Variants in PSG7 observed in about 807,000 individuals in gnomAD.
PSG7 encodes the protein pregnancy specific beta-1-glycoprotein 7.
Under a neutral mutation model 45.6 loss-of-function variants are expected in PSG7, and 57 were observed. That is an observed-to-expected ratio of 1.25 (90% confidence interval 1.01 to 1.56). The LOEUF (loss-of-function observed/expected upper bound fraction) is 1.56. Among genes scored for constraint, PSG7 ranks in the 40% most tolerant of loss-of-function variants. The pLI, the probability that PSG7 is intolerant of heterozygous loss-of-function variation, is 0.00. For missense variants in PSG7, 796 were observed against 508.4 expected, an observed-to-expected ratio of 1.57 and a Z score of -5.44; for synonymous variants, 298 against 194.4, an observed-to-expected ratio of 1.53 and a Z score of -4.43.
intron 1 of PSG7, 106 bp from the exon 2 acceptor site, chr19:42,935,875 C>T (rs1385266238): frequency 4.1e-6 from 1 of 241,088 alleles, no homozygotes; most frequent in African/African-American, 8.3e-5. Context: ...GCCTTGAAGA[C>T]ACACACACAC....
At chr19:42,931,356 C>A (rs535392291) in intron 2 of PSG7, among the ~76,000 whole-genome samples, 1 of 151,428 alleles carries the variant, frequency 6.6e-6, no homozygotes, top group Admixed American at 6.6e-5. Flanking sequence ...TTTGAATTAG[C>A]AGCTCCTTAA....
chr19:42,925,812 C>T lies in PSG7; in HGVS notation c.1204G>A (p.Gly402Ser). The T allele has an allele frequency of 1.2e-6, 2 of 1,612,052 alleles. No individual in the cohort carries two copies. Among genetic ancestry groups the T allele is most frequent in the South Asian group, 2.2e-5 (2 of 90,620 alleles). ...YACSVRNSAT[G>S]KESSKSVTVR... ...GTCACGGATTTGGAGCTTTCCTTGCCAGTGGCTGAGTTACGAACAGAGCAA... is the reference window on the plus strand; with the variant it reads ...GTCACGGATTTGGAGCTTTCCTTGCTAGTGGCTGAGTTACGAACAGAGCAA... The change falls in exon 5 of 6, where the codon GGC (glycine) becomes AGC (serine). Residue 402 changes from glycine (G) to serine (S), a missense_variant. Gly to Ser is a moderately conservative substitution (Grantham distance 56, BLOSUM62 0). Coordinates refer to ENST00000406070, the MANE Select transcript of PSG7 (RefSeq NM_002783.3).
chr19:42,931,611 G>A (rs919487856), intron 2 of PSG7, among the ~76,000 whole-genome samples: 5 of 151,482 alleles, frequency 3.3e-5, no homozygotes, highest in Non-Finnish European at 7.4e-5. Context: ...GTGTGAATTA[G>A]TAAGAGGCTA....
intron 3 of PSG7, chr19:42,927,582 T>A (rs1192098656): frequency 6.6e-6 from 1 of 151,670 alleles, no homozygotes; most frequent in Non-Finnish European, 1.5e-5. Context: ...GCTGGAAATC[T>A]GGTCCTCATG....
intron 1 of PSG7, among the ~76,000 whole-genome samples, 190 bp downstream of exon 1, chr19:42,936,823 A>G (rs934269937): frequency 2.0e-5 from 3 of 151,032 alleles, no homozygotes; most frequent in African/African-American, 4.9e-5. Context: ...AATTTTTTGT[A>G]TTTTTAGTAC....
Position 42,925,793 on chromosome 19 carries a change from G to C in PSG7, c.1223C>G (p.Ser408Cys), listed in dbSNP as rs776528210. 6.2e-7 allele frequency: 1 copy of C among 1,612,070 alleles called. No homozygotes were observed. The highest frequency in any genetic ancestry group is 8.5e-7 in the Non-Finnish European group (1 of 1,179,042). Reference sequence around the variant, plus strand: ...CTTACCAGAGACTCTGACTGTCACGGATTTGGAGCTTTCCTTGCCAGTGGC... The same window carrying C: ...CTTACCAGAGACTCTGACTGTCACGCATTTGGAGCTTTCCTTGCCAGTGGC... ...NSATGKESSK[S>C]VTVRVSDWTL... is the part of the protein sequence containing the mutation. The change falls in exon 5 of 6, where the codon TCC (serine) becomes TGC (cysteine). Residue 408 changes from serine to cysteine, a missense_variant. Coordinates refer to ENST00000406070, the MANE Select transcript of PSG7 (RefSeq NM_002783.3).
intron 2 of PSG7, among the ~76,000 whole-genome samples, chr19:42,930,222 G>A (rs1972989872): frequency 6.6e-6 from 1 of 151,604 alleles, no homozygotes; most frequent in African/African-American, 2.4e-5. Flanking sequence ...CCTGGGACTG[G>A]GTACTTCAGC....
At position 42,929,757 on chromosome 19, in the gene PSG7, C is replaced by A. The variant is rs778714928; in HGVS notation, c.431-37G>T. The A allele has an allele frequency of 2.6e-5, 41 of 1,595,388 alleles. 3 individuals carry two copies. Among genetic ancestry groups the A allele is most frequent in the Non-Finnish European group, 3.2e-5 (38 of 1,169,714 alleles). On this transcript the variant is annotated intron_variant, in intron 2 of 5. Transcript: ENST00000406070. ...ACAGAGAGAAGATTGCCCTGTGTGG[C>A]ACCTTTGACTCCTCCAAAGGCATTT...
In PSG7 at chr19:42,926,244, C is replaced by T. The variant is rs1400606297; in HGVS notation, c.988+194G>A. On this transcript the variant is annotated intron_variant, in intron 4 of 5. Transcript: ENST00000406070. ...TCTCCCATGACAAGAGCGTCCACTC[C>T]CCTTATATTCTTGGTTAAGGCTGTG... 43 of 1,391,602 alleles carry T rather than the reference C, an allele frequency of 3.1e-5. 3 individuals are homozygous for T. In the African/African-American group the frequency reaches 3.5e-4, roughly 11 times the overall value. 86.2% of individuals were successfully genotyped at this position (1,391,602 alleles called of 1,614,324 possible). A position where few individuals can be genotyped will look rare whatever the true frequency, so the allele number is the denominator to read the frequency against.
In PSG7 at chr19:42,924,504, A is replaced by G. The variant is rs529888340; in HGVS notation, c.*304T>C. 37 of 572,970 alleles carry G rather than the reference A, an allele frequency of 6.5e-5. 1 individual carries two copies. In the African/African-American group the frequency reaches 6.7e-4, roughly 10 times the overall value. 35.5% of individuals were successfully genotyped at this position (572,970 alleles called of 1,614,324 possible). ...CTGCCAAGTGAAAGAGGCAGGCACAAGCAAGGACAGCTAAGAGGGGTGAGA... is the reference window on the plus strand; with the variant it reads ...CTGCCAAGTGAAAGAGGCAGGCACAGGCAAGGACAGCTAAGAGGGGTGAGA... On this transcript the variant is annotated 3_prime_UTR_variant, in exon 6 of 6. Coordinates refer to ENST00000406070, the MANE Select transcript of PSG7 (RefSeq NM_002783.3).
intron 2 of PSG7, among the ~76,000 whole-genome samples, chr19:42,931,484 G>T (rs889181334): frequency 6.6e-6 from 1 of 151,618 alleles, no homozygotes; most frequent in Non-Finnish European, 1.5e-5. Flanking sequence ...AGAAAGAACT[G>T]CCTGCTTATA....
chr19:42,926,966 C>T lies in PSG7; in HGVS notation c.710-250G>A, dbSNP rs376054771. On this transcript the variant is annotated intron_variant, in intron 3 of 5. Transcript: ENST00000406070. ...TTGAGCAGCAGTGCTGGGTCATGGA[C>T]AGACATGTCAGTGGGAGTCACAGCG... The T allele has an allele frequency of 1.1e-5, 8 of 710,160 alleles. No individual in the cohort carries two copies. In the South Asian group the frequency reaches 1.7e-4, roughly 15 times the overall value. 44.0% of individuals were successfully genotyped at this position (710,160 alleles called of 1,614,324 possible).
intron 1 of PSG7, among the ~76,000 whole-genome samples, 168 bp downstream of exon 1, chr19:42,936,845 C>T (rs1210976021): frequency 6.6e-6 from 1 of 151,446 alleles, no homozygotes; most frequent in Non-Finnish European, 1.5e-5. Flanking sequence ...GACAGGGCTA[C>T]ATTGTGTTGG....
At chr19:42,933,623 A>T (rs915341041) in intron 2 of PSG7, among the ~76,000 whole-genome samples, 2 of 150,366 alleles carry the variant, frequency 1.3e-5, no homozygotes, top group Non-Finnish European at 3.0e-5. Context: ...AGTTAGAGGG[A>T]GTGTCTGCGG....
chr19:42,937,118 T>C lies in PSG7; in HGVS notation c.-42A>G, dbSNP rs752641408. 10 of 1,599,736 alleles carry C rather than the reference T, an allele frequency of 6.3e-6. No homozygotes were observed. The Admixed American group carries it at 1.0e-4, about 16-fold the overall frequency. On this transcript the variant is annotated 5_prime_UTR_variant, in exon 1 of 6. Coordinates refer to ENST00000406070, the MANE Select transcript of PSG7 (RefSeq NM_002783.3). ...GTGTTCTCCTCTGTGGAGATGAGCC[T>C]AGGATCCAGAATCTTCCTGAGCACG... is the stretch of plus-strand genomic sequence containing the variant.
At chr19:42,926,076 G>A (rs1168619571) in intron 4 of PSG7, 49 bp from the exon 5 acceptor site, 1 of 1,597,526 alleles carries the variant, frequency 6.3e-7, no homozygotes, top group Middle Eastern at 1.7e-4. Flanking sequence ...GAGGGAAGGG[G>A]ATGCTCCTGG....
intron 3 of PSG7, chr19:42,929,157 C>G: frequency 1.5e-6 from 1 of 646,002 alleles, no homozygotes; most frequent in South Asian, 3.0e-5. Context: ...AAGTCCCAGC[C>G]AAATCCCCGC....
Position 42,937,169 on chromosome 19 carries a change from C to A in PSG7, c.-93G>T. 6.6e-7 allele frequency: 1 copy of A among 1,516,180 alleles called. No individual in the cohort carries two copies. 93.9% of individuals were successfully genotyped at this position (1,516,180 alleles called of 1,614,324 possible). ...GCTGTCAGCTGTGCTGTCCTTCCTC[C>A]TTCTGCACTGAGCCTCTTCCCGGGG... On this transcript the variant is annotated 5_prime_UTR_variant, in exon 1 of 6. It adds an upstream start codon to the 5' untranslated region. Coordinates refer to ENST00000406070, the MANE Select transcript of PSG7 (RefSeq NM_002783.3).
chr19:42,930,885 G>A (rs1259075108), intron 2 of PSG7, among the ~76,000 whole-genome samples: 3 of 151,612 alleles, frequency 2.0e-5, no homozygotes, highest in Non-Finnish European at 4.4e-5. Context: ...TGCTCCTTAT[G>A]CAGAAAGGTT....
Sources: gnomAD v4.1 joint callset for allele counts (sites outside exome capture counted in the v4.1 genomes callset) on GRCh38, gnomAD v4.1.1 for gene constraint, MANE v1.5 for transcripts, NCBI Gene and HGNC (gene_info 2026-07-23, HGNC 2026-07-21) for gene names.